The following IGSF1 variants were observed in gnomAD, a reference collection of about 807,000 sequenced individuals.
IGSF1 encodes immunoglobulin-like domain-containing protein 1.
A neutral mutation model predicts 95.3 loss-of-function variants in IGSF1; 40 were observed. That is an observed-to-expected ratio of 0.42 (90% confidence interval 0.33 to 0.55). IGSF1 has a LOEUF of 0.55. IGSF1 is among the 20% of genes least tolerant of loss of function. The pLI, the probability that IGSF1 is intolerant of heterozygous loss-of-function variation, is 0.10. For missense variants in IGSF1, 906 were observed against 1,025.4 expected (o/e 0.88, Z 1.59); for synonymous variants, 372 against 382.9 (o/e 0.97, Z 0.33).
rs769759781 is a variant in IGSF1 at position 131,276,121 on chromosome X, A to G, written c.2736T>C (p.His912=). 8 of 1,211,042 alleles carry G rather than the reference A, an allele frequency of 6.6e-6. No individual in the cohort carries two copies. Among genetic ancestry groups the G allele is most frequent in the Non-Finnish European group, 1.1e-6 (1 of 895,057 alleles). ...AGACACTCCGAAACTGTAAGGGAAC[A>G]TGGGCTCCCTCCTGCAAGAGGGCGA... ...MRFALLQEGA[H]VPLQFRSVSG... is the part of the protein sequence containing the mutation. Residue 912 remains histidine, a synonymous_variant, in exon 15 of 20, where the codon CAT becomes CAC. Coordinates refer to ENST00000361420, the MANE Select transcript of IGSF1 (RefSeq NM_001555.5).
intron 17 of IGSF1, 47 bp from the exon 18 acceptor site, chrX:131,274,924 AGCCTTTT>A: frequency 7.5e-6 from 9 of 1,199,965 alleles, no homozygotes; most frequent in Non-Finnish European, 1.0e-5. Flanking sequence ...TCCTGAACTT[AGCCTTTT>A]ACCCCCTTAT....
Position 131,275,059 on chromosome X carries a change from A to C in IGSF1, c.3412T>G (p.Leu1138Val). 8.3e-7 allele frequency: 1 copy of C among 1,210,932 alleles called. No individual in the cohort carries two copies. The highest frequency in any genetic ancestry group is 1.1e-6 in the Non-Finnish European group (1 of 894,743). Residue 1138 changes from leucine to valine, a missense_variant, in exon 17 of 20, where the codon TTG becomes GTG. This residue lies in a region of IGSF1 where 411 missense variants were observed against 494.9 expected (regional missense o/e 0.83). Transcript: ENST00000361420. ...DSGIYSCVYY[L>V]DSTPFAASNH... Reference sequence around the variant, plus strand: ...GAAGCTGCAAAGGGAGTAGAGTCCAAATAATAAACACAGCTATAGATCCCA... The same window carrying C: ...GAAGCTGCAAAGGGAGTAGAGTCCACATAATAAACACAGCTATAGATCCCA...
At chrX:131,284,983 T>C in intron 5 of IGSF1, 196 bp downstream of exon 5, 3 of 803,364 alleles carry the variant, frequency 3.7e-6, no homozygotes, top group Non-Finnish European at 4.9e-6. Flanking sequence ...AGCCAAATGA[T>C]TGGCTCCCAT....
At chrX:131,279,997 A>G (rs1375283028) in intron 9 of IGSF1, among the ~76,000 whole-genome samples, 8 of 111,927 alleles carry the variant, frequency 7.1e-5, no homozygotes, top group African/African-American at 2.6e-4. Context: ...TATTAACCCA[A>G]AATCCATCGG....
upstream of IGSF1, chrX:131,289,369 C>T (rs202120382): frequency 2.4e-4 from 87 of 359,601 alleles, 1 homozygote; most frequent in East Asian, 2.6e-3. Context: ...CCCGCCCCAA[C>T]CTCCTCCCCT....
At chrX:131,276,357 G>A (rs1343910276) in intron 14 of IGSF1, 109 bp from the exon 15 acceptor site, 26 of 578,170 alleles carry the variant, frequency 4.5e-5, no homozygotes, top group East Asian at 1.3e-4. Context: ...TTAAAAATTA[G>A]AAAATATAGA....
intron 6 of IGSF1, 47 bp downstream of exon 6, chrX:131,282,933 A>G: frequency 9.2e-7 from 1 of 1,081,797 alleles, no homozygotes; most frequent in Non-Finnish European, 1.3e-6. Context: ...AGGGAGATTT[A>G]TATCCTTAGC....
At position 131,281,793 on chromosome X, in the gene IGSF1, G is replaced by A. The variant is rs981213121; in HGVS notation, c.1398C>T (p.Asn466=). ...CAACATTACTGATGATGAAGTCTCC[G>A]TTTACTGAGAATTTTTGGAATGTTT... ...ERETFQKFSV[N]GDFIISNVDG... Residue 466 remains asparagine, a synonymous_variant, in exon 8 of 20, where the codon AAC becomes AAT. Coordinates refer to ENST00000361420, the MANE Select transcript of IGSF1 (RefSeq NM_001555.5). The A allele has an allele frequency of 6.6e-6, 8 of 1,209,434 alleles. No homozygotes were observed. Among genetic ancestry groups the A allele is most frequent in the African/African-American group, 3.5e-5 (2 of 57,069 alleles).
intron 1 of IGSF1, among the ~76,000 whole-genome samples, chrX:131,287,156 C>T (rs1055653187): frequency 4.7e-5 from 4 of 84,527 alleles, no homozygotes; most frequent in East Asian, 4.2e-4. Flanking sequence ...TATATATATA[C>T]GTATATATGT....
In IGSF1 at chrX:131,275,180, G is replaced by A. The variant is rs1128621; in HGVS notation, c.3291C>T (p.Val1097=). ...CQGELPDSTF[V]LLKEGAQEPL... is the part of the protein sequence containing the mutation. The stretch of plus-strand genomic sequence containing the variant: ...GCTCCTGAGCCCCCTCCTTCAACAG[G>A]ACAAATGTTGAGTCTGGCAGTTCCC... The change falls in exon 17 of 20, where the codon GTC becomes GTT. Residue 1097 remains valine (V), a synonymous_variant. Transcript: ENST00000361420. 4.1e-6 allele frequency: 5 copies of A among 1,209,473 alleles called. No homozygotes were observed. The highest frequency in any genetic ancestry group is 5.6e-6 in the Non-Finnish European group (5 of 894,675).
chrX:131,288,615 A>G (rs2080675389), intron 1 of IGSF1, among the ~76,000 whole-genome samples: 1 of 111,396 alleles, frequency 9.0e-6, no homozygotes, highest in South Asian at 3.8e-4. Flanking sequence ...GCTTTTTGGC[A>G]TGGCTGACCC....
Position 131,273,756 on chromosome X carries a change from AAG to A in IGSF1, c.*38_*39del, listed in dbSNP as rs758736570. 108 of 1,171,711 alleles carry A rather than the reference AAG, an allele frequency of 9.2e-5. No homozygotes were observed. In the African/African-American group the frequency reaches 1.8e-3, roughly 20 times the overall value. On this transcript the variant is annotated 3_prime_UTR_variant, in exon 20 of 20. Transcript: ENST00000361420. The stretch of plus-strand genomic sequence containing the variant: ...GTTGGATTTATAGGTCTCTGAGAGC[AAG>A]AGAGAGGAGAGGAAAGCTCTTGTAA...
At chrX:131,286,085 C>T (rs2080632317) in intron 3 of IGSF1, 37 bp from the exon 4 acceptor site, 1 of 1,095,801 alleles carries the variant, frequency 9.1e-7, no homozygotes, top group Admixed American at 2.5e-5. Flanking sequence ...ATGAGCAGTC[C>T]AACCCTCTCC....
Position 131,285,904 on chromosome X carries a change from C to T in IGSF1, c.242G>A (p.Arg81His), listed in dbSNP as rs756761325. ...LKDKTQMTWI[R>H]PSHKTFQVSF... is the part of the protein sequence containing the mutation. ...AACTTGGAAGGTCTTGTGGGAAGGG[C>T]GGATCCAGGTCATCTGTGTCTTATC... Residue 81 changes from arginine to histidine, a missense_variant, in exon 4 of 20, where the codon CGC (arginine) becomes CAC (histidine). Arg to His is a conservative substitution (Grantham distance 29). Coordinates refer to ENST00000361420, the MANE Select transcript of IGSF1 (RefSeq NM_001555.5). 5.8e-6 allele frequency: 7 copies of T among 1,209,469 alleles called. No homozygotes were observed. The highest frequency in any genetic ancestry group is 3.0e-5 in the East Asian group (1 of 33,724).
At chrX:131,280,338 G>C (rs775277684) in intron 9 of IGSF1, among the ~76,000 whole-genome samples, 1 of 111,439 alleles carries the variant, frequency 9.0e-6, no homozygotes, top group African/African-American at 3.3e-5. Context: ...GATTCCAGTG[G>C]AAAACACAGA....
chrX:131,288,860 A>T (rs1332240523), intron 1 of IGSF1, among the ~76,000 whole-genome samples: 1 of 108,400 alleles, frequency 9.2e-6, no homozygotes, highest in African/African-American at 3.4e-5. Flanking sequence ...TGAGGGTGAC[A>T]TATCTGAAAT....
In IGSF1 at chrX:131,273,947, G is replaced by T; in HGVS notation, c.3876-16C>A. On this transcript the variant is annotated splice_polypyrimidine_tract_variant and intron_variant, in intron 19 of 19. Transcript: ENST00000361420. ...CTCTGAGCCTCTATGTAAAGAAAAAGACATGAGTAAGGGAGGACCCAGAAA... is the reference window on the plus strand; with the variant it reads ...CTCTGAGCCTCTATGTAAAGAAAAATACATGAGTAAGGGAGGACCCAGAAA... 1 of 1,207,805 alleles carries T rather than the reference G, an allele frequency of 8.3e-7. No individual in the cohort carries two copies. Among genetic ancestry groups the T allele is most frequent in the Non-Finnish European group, 1.1e-6 (1 of 893,240 alleles).
In IGSF1 at chrX:131,285,871, A is replaced by C. The variant is rs754926935; in HGVS notation, c.275T>G (p.Leu92Arg). ...PSHKTFQVSF[L>R]IGALTESNAG... is the part of the protein sequence containing the mutation. ...ATTGGACTCAGTAAGGGCACCTATA[A>C]GGAATGAAACTTGGAAGGTCTTGTG... Residue 92 changes from leucine to arginine, a missense_variant, in exon 4 of 20, where the codon CTT becomes CGT. Physicochemically the swap from Leu to Arg is moderately radical, Grantham distance 102 (BLOSUM62 -2). This residue lies in a region of IGSF1 where 442 missense variants were observed against 448.1 expected (regional missense o/e 0.99). Coordinates refer to ENST00000361420, the MANE Select transcript of IGSF1 (RefSeq NM_001555.5). The C allele has an allele frequency of 8.3e-7, 1 of 1,211,446 alleles. No individual in the cohort carries two copies. The highest frequency in any genetic ancestry group is 3.0e-5 in the East Asian group (1 of 33,820).
chrX:131,277,932 G>A lies in IGSF1; in HGVS notation c.2244C>T (p.Tyr748=). The change falls in exon 13 of 20, where the codon TAC becomes TAT. Residue 748 remains tyrosine, a synonymous_variant. Coordinates refer to ENST00000361420, the MANE Select transcript of IGSF1 (RefSeq NM_001555.5). ...GTTTTTCAGTGTGAGTGCGGCAGCTGTAATTGCCTTCGTCTTTATCCTCCA... is the reference window on the plus strand; with the variant it reads ...GTTTTTCAGTGTGAGTGCGGCAGCTATAATTGCCTTCGTCTTTATCCTCCA... ...QRMEDKDEGN[Y]SCRTHTEKRP... 6 of 1,210,746 alleles carry A rather than the reference G, an allele frequency of 5.0e-6. No individual in the cohort carries two copies. Among genetic ancestry groups the A allele is most frequent in the Non-Finnish European group, 5.6e-6 (5 of 894,950 alleles).
Sources: allele counts gnomAD v4.1 joint callset (sites outside exome capture counted in the v4.1 genomes callset), GRCh38; gene constraint gnomAD v4.1.1; regional missense constraint gnomAD v4.1.1; transcripts MANE v1.5; gene names NCBI Gene and HGNC (gene_info 2026-07-23, HGNC 2026-07-21).